VPS45: variants seen among roughly 807,000 people sequenced by gnomAD.
The protein encoded by VPS45 is vacuolar protein sorting 45 homolog, also known as vacuolar protein sorting-associated protein 45.
Under a neutral mutation model 75.9 loss-of-function variants are expected in VPS45, and 35 were observed. The ratio of observed to expected loss-of-function variants is 0.46; its 90% CI spans 0.35 to 0.61. The LOEUF (loss-of-function observed/expected upper bound fraction) is 0.61. Among genes scored for constraint, VPS45 ranks in the 20% least tolerant of loss-of-function variants. The pLI, the probability that VPS45 is intolerant of heterozygous loss-of-function variation, is 0.00. For synonymous variants in VPS45, 220 were observed against 238.2 expected (o/e 0.92, Z 0.70); for missense variants, 559 against 685.9 (o/e 0.81, Z 2.07).
intron 7 of VPS45, among the ~76,000 whole-genome samples, chr1:150,080,241 G>A (rs1418178009): frequency 6.6e-6 from 1 of 151,934 alleles, no homozygotes; most frequent in Non-Finnish European, 1.5e-5. Flanking sequence ...CGCCTCCTGG[G>A]TTCAAGTGAT....
chr1:150,121,732 G>A (rs140773068), intron 14 of VPS45, among the ~76,000 whole-genome samples: 1 of 152,186 alleles, frequency 6.6e-6, no homozygotes, highest in Admixed American at 6.5e-5. Context: ...TATTGAACAT[G>A]TGAGAACAAT....
upstream of VPS45, chr1:150,067,773 G>A: frequency 7.1e-7 from 1 of 1,399,162 alleles, no homozygotes; most frequent in Admixed American, 1.8e-5. Flanking sequence ...GGAGGAAGCA[G>A]CTGAGACCCG....
chr1:150,105,056 A>G (rs1657244215), intron 13 of VPS45, among the ~76,000 whole-genome samples: 1 of 152,210 alleles, frequency 6.6e-6, no homozygotes. Context: ...ATTCCAACCA[A>G]CAGTATATGA....
intron 14 of VPS45, among the ~76,000 whole-genome samples, chr1:150,138,638 A>T (rs1659235285): frequency 6.6e-6 from 1 of 152,144 alleles, no homozygotes; most frequent in African/African-American, 2.4e-5. Context: ...ATGACGAGGA[A>T]AAACATCTCC....
intron 3 of VPS45, among the ~76,000 whole-genome samples, chr1:150,074,019 T>TG (rs1308695996): frequency 2.0e-5 from 3 of 150,372 alleles, no homozygotes; most frequent in African/African-American, 7.4e-5. Context: ...TGTTTTTGTT[T>TG]TTTTTTTTTG....
At chr1:150,074,955 CTTTTTTTTTTTTTTT>C (rs782039324) in intron 3 of VPS45, among the ~76,000 whole-genome samples, 2 of 81,108 alleles carry the variant, frequency 2.5e-5, no homozygotes. Context: ...ATTATTTATT[CTTTTTTTTTTTTTTT>C]TTTTTTTTTG....
chr1:150,126,197 G>A (rs1658508665), intron 14 of VPS45, among the ~76,000 whole-genome samples: 1 of 151,780 alleles, frequency 6.6e-6, no homozygotes, highest in African/African-American at 2.4e-5. Context: ...CATGGCTTTT[G>A]TTGTTGGGTT....
intron 6 of VPS45, 84 bp from the exon 7 acceptor site, chr1:150,077,585 T>A: frequency 1.0e-6 from 1 of 956,240 alleles, no homozygotes. Flanking sequence ...TATTGTTAAA[T>A]GTAGTGTTTA....
intron 14 of VPS45, among the ~76,000 whole-genome samples, chr1:150,117,029 C>A (rs1657972202): frequency 6.6e-6 from 1 of 151,956 alleles, no homozygotes; most frequent in Non-Finnish European, 1.5e-5. Context: ...AGTGAAACCC[C>A]ATCTCTACTA....
At position 150,144,836 on chromosome 1, in the gene VPS45, C is replaced by G; in HGVS notation, c.*40C>G. On this transcript the variant is annotated 3_prime_UTR_variant, in exon 15 of 15. Transcript: ENST00000644510. ...GAAGGGCACAGCTTCCTCTCTTGTCCCCACTACAGGTTTTCCCTACTAAAC... is the reference window on the plus strand; with the variant it reads ...GAAGGGCACAGCTTCCTCTCTTGTCGCCACTACAGGTTTTCCCTACTAAAC... The G allele has an allele frequency of 6.2e-7, 1 of 1,613,278 alleles. No individual in the cohort carries two copies. The highest frequency in any genetic ancestry group is 8.5e-7 in the Non-Finnish European group (1 of 1,179,772).
At chr1:150,143,759 T>A (rs782657517) in intron 14 of VPS45, among the ~76,000 whole-genome samples, 1 of 152,154 alleles carries the variant, frequency 6.6e-6, no homozygotes, top group Non-Finnish European at 1.5e-5. Context: ...TGGGAAGCAG[T>A]ATTGCAAGAT....
intron 14 of VPS45, among the ~76,000 whole-genome samples, chr1:150,123,079 G>A (rs781863054): frequency 2.0e-5 from 3 of 149,766 alleles, no homozygotes; most frequent in Non-Finnish European, 4.4e-5. Context: ...CTCTACAAAT[G>A]TCCCCATTCT....
intron 9 of VPS45, among the ~76,000 whole-genome samples, 172 bp from the exon 10 acceptor site, chr1:150,082,544 A>G (rs587762502): frequency 6.6e-6 from 1 of 152,054 alleles, no homozygotes; most frequent in Admixed American, 6.6e-5. Flanking sequence ...GTCTACCAAC[A>G]TATACCAGTT....
At chr1:150,141,105 T>C (rs1659368760) in intron 14 of VPS45, among the ~76,000 whole-genome samples, 1 of 152,220 alleles carries the variant, frequency 6.6e-6, no homozygotes, top group Non-Finnish European at 1.5e-5. Context: ...TAATTTCATC[T>C]TATCCTTCTG....
chr1:150,126,696 T>C (rs966528824), intron 14 of VPS45, among the ~76,000 whole-genome samples: 9 of 152,002 alleles, frequency 5.9e-5, no homozygotes, highest in Non-Finnish European at 1.2e-4. Context: ...TGAGCAGAGG[T>C]GGCCCATGCC....
At chr1:150,107,497 G>T (rs1657395852) in intron 13 of VPS45, among the ~76,000 whole-genome samples, 1 of 152,112 alleles carries the variant, frequency 6.6e-6, no homozygotes. Flanking sequence ...TTAGTTCTAG[G>T]TTTCATCATA....
intron 13 of VPS45, among the ~76,000 whole-genome samples, chr1:150,107,946 G>T (rs1177093518): frequency 6.6e-6 from 1 of 152,036 alleles, no homozygotes; most frequent in African/African-American, 2.4e-5. Context: ...AGAACCCCAT[G>T]ACCTGTGAGA....
rs192516196 is a variant in VPS45 at position 150,135,484 on chromosome 1, G to T, written c.1626-9225G>T. Among the ~76,000 whole-genome samples, 833 of 151,132 alleles carry T rather than the reference G, an allele frequency of 5.5e-3. 7 individuals carry two copies. The highest frequency in any genetic ancestry group is 0.028 in the Middle Eastern group (8 of 286). ...TTTCACCAAGTTGGCCAGGCTGGTC[G>T]CGAACTCCTGACCTCACGTGATCCA... On this transcript the variant is annotated intron_variant, in intron 14 of 14. Transcript: ENST00000644510.
At chr1:150,131,878 G>A (rs11205331) in intron 14 of VPS45, among the ~76,000 whole-genome samples, 39,786 of 151,928 alleles carry the variant, frequency 0.26, 7,861 homozygotes, top group African/African-American at 0.56. Flanking sequence ...ATCAATGTGT[G>A]TGGAGAAGGT....
Sources: gnomAD v4.1 joint callset for allele counts (sites outside exome capture counted in the v4.1 genomes callset) on GRCh38, gnomAD v4.1.1 for gene constraint, MANE v1.5 for transcripts, NCBI Gene and HGNC (gene_info 2026-07-23, HGNC 2026-07-21) for gene names.